The following TMCO4 variants were observed in gnomAD, a reference collection of about 807,000 sequenced individuals.
The protein encoded by TMCO4 is transmembrane and coiled-coil domain-containing protein 4.
TMCO4 carries 58 observed loss-of-function variants against 64.7 expected under a neutral mutation model. That is an observed-to-expected ratio of 0.90 (90% CI 0.73 to 1.12). TMCO4 has a LOEUF of 1.12. Among genes scored for constraint, TMCO4 ranks in the 50% most tolerant of loss-of-function variants. The probability of loss-of-function intolerance (pLI) is 0.00; values close to 1 mark genes in which losing one functional copy is unlikely to be tolerated. For synonymous variants in TMCO4, 325 were observed against 346.1 expected (o/e 0.94, Z 0.68); for missense variants, 780 against 825.9 (o/e 0.94, Z 0.68).
chr1:19,711,203 T>C (rs956353997), intron 13 of TMCO4, among the ~76,000 whole-genome samples: 5 of 152,218 alleles, frequency 3.3e-5, no homozygotes, highest in Admixed American at 2.6e-4. Context: ...TTCACAGATA[T>C]TACGTGTCTT....
rs772544299 is a variant in TMCO4 at position 19,746,872 on chromosome 1, C to T, written c.614-273G>A. On this transcript the variant is annotated intron_variant, in intron 8 of 15. Transcript: ENST00000294543. ...CTCGGAGGCGGAGCTTGCAGTGAGC[C>T]GAGATCATGCCACTGCACTCCAGCC... 1.7e-4 allele frequency among the ~76,000 whole-genome samples: 24 copies of T among 142,232 alleles called. No homozygotes were observed. The South Asian group carries it at 3.1e-3, about 18-fold the overall frequency. The allele number at this position is 142,232 out of a possible 152,430, so 93.3% of individuals were successfully genotyped here.
intron 2 of TMCO4, among the ~76,000 whole-genome samples, chr1:19,787,346 C>T (rs1467095180): frequency 3.3e-5 from 5 of 152,236 alleles, no homozygotes; most frequent in East Asian, 1.9e-4. Flanking sequence ...GTGCTGGGCA[C>T]GGCCCTGCCA....
intron 3 of TMCO4, among the ~76,000 whole-genome samples, chr1:19,783,249 C>G (rs928591029): frequency 6.6e-6 from 1 of 152,190 alleles, no homozygotes; most frequent in Non-Finnish European, 1.5e-5. Flanking sequence ...AATTAGGAAA[C>G]AGGCTCAGAG....
intron 15 of TMCO4, among the ~76,000 whole-genome samples, chr1:19,694,058 A>G (rs2095218178): frequency 6.6e-6 from 1 of 152,130 alleles, no homozygotes; most frequent in Non-Finnish European, 1.5e-5. Flanking sequence ...CTGCAATGCA[A>G]TGGCACGATC....
chr1:19,770,467 C>T, intron 6 of TMCO4, 75 bp downstream of exon 6: 1 of 1,561,048 alleles, frequency 6.4e-7, no homozygotes, highest in Non-Finnish European at 8.8e-7. Flanking sequence ...CAGGTGGTGG[C>T]ACCTCTCACT....
intron 13 of TMCO4, among the ~76,000 whole-genome samples, chr1:19,725,789 G>T (rs542006566): frequency 3.9e-5 from 6 of 152,184 alleles, no homozygotes; most frequent in African/African-American, 1.4e-4. Flanking sequence ...GGGCAGAGTC[G>T]TTACCCAGGC....
intron 7 of TMCO4, among the ~76,000 whole-genome samples, chr1:19,753,438 G>A (rs1267996470): frequency 2.0e-5 from 3 of 152,184 alleles, no homozygotes. Context: ...AGAGAGGAGA[G>A]GTGAAGTCAC....
At chr1:19,685,944 GTCTTGATCTCCTGACCTCATGATCCA>G (rs560307260) in intron 15 of TMCO4, among the ~76,000 whole-genome samples, 64 of 152,036 alleles carry the variant, frequency 4.2e-4, no homozygotes, top group African/African-American at 1.3e-3. Flanking sequence ...AGCCAGGATG[GTCTTGATCTCCTGACCTCATGATCCA>G]CCCACCTCGG....
At chr1:19,702,266 G>T (rs1412684379) in intron 13 of TMCO4, among the ~76,000 whole-genome samples, 6 of 137,718 alleles carry the variant, frequency 4.4e-5, no homozygotes, top group African/African-American at 1.7e-4. Flanking sequence ...ACCGTGCCTG[G>T]CCGAGACTCT....
intron 10 of TMCO4, 73 bp downstream of exon 10, chr1:19,745,459 A>C: frequency 4.4e-6 from 7 of 1,605,150 alleles, no homozygotes; most frequent in Non-Finnish European, 6.0e-6. Context: ...AGTGCAGGTA[A>C]AAACCTAGCC....
In TMCO4 at chr1:19,780,646, T is replaced by C. The variant is rs1236265166; in HGVS notation, c.113A>G (p.Asn38Ser). The C allele has an allele frequency of 6.2e-7, 1 of 1,613,920 alleles. No homozygotes were observed. The highest frequency in any genetic ancestry group is 8.5e-7 in the Non-Finnish European group (1 of 1,179,936). Residue 38 changes from asparagine (N) to serine (S), a missense_variant, in exon 4 of 16, where the codon AAC becomes AGC. Asn to Ser is a conservative substitution (Grantham distance 46, BLOSUM62 1). Transcript: ENST00000294543. ...LPTGRELTEANRFAYAALCGI... is the reference protein window; with the variant it reads ...LPTGRELTEASRFAYAALCGI... ...ACAGAGGGCAGCATAGGCGAAGCGG[T>C]TGGCCTCAGTCAGCTCCCGGCCCGT...
Position 19,710,838 on chromosome 1 carries a change from A to C in TMCO4, c.1265-9953T>G, listed in dbSNP as rs557589539. 9.8e-5 allele frequency among the ~76,000 whole-genome samples: 15 copies of C among 152,356 alleles called. 1 individual carries two copies. The highest frequency in any genetic ancestry group is 8.5e-4 in the Admixed American group (13 of 15,306). ...GACAACTAGCAGGCTAGAATTTCCT[A>C]AAAGATTAATATCCCGATGTATAGA... On this transcript the variant is annotated intron_variant, in intron 13 of 15. Transcript: ENST00000294543.
intron 13 of TMCO4, among the ~76,000 whole-genome samples, chr1:19,731,366 T>C (rs2095429284): frequency 6.6e-6 from 1 of 152,258 alleles, no homozygotes; most frequent in South Asian, 2.1e-4. Context: ...TGGGTTCTTA[T>C]TACAGGCCAG....
intron 15 of TMCO4, among the ~76,000 whole-genome samples, chr1:19,684,766 A>T (rs1048134516): frequency 1.3e-5 from 2 of 152,172 alleles, no homozygotes; most frequent in East Asian, 3.8e-4. Context: ...CCATGAGTTG[A>T]AGCGGTAGTG....
chr1:19,716,414 T>G (rs1304160156), intron 13 of TMCO4, among the ~76,000 whole-genome samples: 2 of 148,340 alleles, frequency 1.3e-5, no homozygotes, highest in South Asian at 2.1e-4. Flanking sequence ...GCATTTTTAG[T>G]AGAGATGGGG....
In TMCO4 at chr1:19,779,195, A is replaced by G. The variant is rs74432846; in HGVS notation, c.179+1385T>C. On this transcript the variant is annotated intron_variant, in intron 4 of 15. Transcript: ENST00000294543. ...GAGCTTCTCACCATCTCCTGGCCCAAGTCTTGTGCTCCCTGTCCTAGTAAC... is the reference window on the plus strand; with the variant it reads ...GAGCTTCTCACCATCTCCTGGCCCAGGTCTTGTGCTCCCTGTCCTAGTAAC... Among the ~76,000 whole-genome samples the G allele has an allele frequency of 2.0e-4, 31 of 152,308 alleles. No individual in the cohort carries two copies. The East Asian group carries it at 4.2e-3, about 21-fold the overall frequency.
At chr1:19,755,895 G>A in intron 6 of TMCO4, 129 bp from the exon 7 acceptor site, 5 of 1,040,814 alleles carry the variant, frequency 4.8e-6, no homozygotes, top group South Asian at 3.1e-5. Context: ...GCCAGTCAAT[G>A]AAAAAAATGA....
intron 2 of TMCO4, among the ~76,000 whole-genome samples, chr1:19,792,427 AT>A (rs2044090658): frequency 6.6e-6 from 1 of 152,218 alleles, no homozygotes; most frequent in Non-Finnish European, 1.5e-5. Flanking sequence ...TGACTGGGTC[AT>A]TTTTGTCAGT....
intron 6 of TMCO4, among the ~76,000 whole-genome samples, chr1:19,759,548 C>T (rs957604433): frequency 1.3e-5 from 2 of 152,212 alleles, no homozygotes; most frequent in African/African-American, 4.8e-5. Flanking sequence ...ACCTTCTACC[C>T]GGCCCTGCTT....
Sources: gnomAD v4.1 joint callset for allele counts (sites outside exome capture counted in the v4.1 genomes callset) on GRCh38, gnomAD v4.1.1 for gene constraint, MANE v1.5 for transcripts, NCBI Gene and HGNC (gene_info 2026-07-23, HGNC 2026-07-21) for gene names.